Variants in CRY1 observed in about 807,000 individuals in gnomAD.
CRY1 encodes the protein cryptochrome-1.
A neutral mutation model predicts 76.0 loss-of-function variants in CRY1; 45 were observed. The observed-to-expected ratio is 0.59, with a 90% CI of 0.47 to 0.76. CRY1 has a LOEUF of 0.76. Ranked by LOEUF, CRY1 falls within the 30% of genes least tolerant of loss-of-function variation. CRY1 has a pLI of 0.00. For synonymous variants in CRY1, 248 were observed against 244.0 expected, an observed-to-expected ratio of 1.02 and a Z score of -0.15; for missense variants, 587 against 716.4, an observed-to-expected ratio of 0.82 and a Z score of 2.06.
At chr12:107,036,738 G>A (rs1952737390) in intron 1 of CRY1, among the ~76,000 whole-genome samples, 1 of 152,060 alleles carries the variant, frequency 6.6e-6, no homozygotes, top group Non-Finnish European at 1.5e-5. Flanking sequence ...CTGTGAGCAT[G>A]CCAGAAATGC....
chr12:107,064,875 C>T (rs886989391), intron 1 of CRY1, among the ~76,000 whole-genome samples: 13 of 152,170 alleles, frequency 8.5e-5, no homozygotes, highest in African/African-American at 2.7e-4. Context: ...GATTATCATG[C>T]TAATGGAGCA....
At chr12:107,078,844 T>G (rs146998676) in intron 1 of CRY1, among the ~76,000 whole-genome samples, 1 of 152,294 alleles carries the variant, frequency 6.6e-6, no homozygotes, top group East Asian at 1.9e-4. Flanking sequence ...CCTCCTCCTC[T>G]GTGAAACTGT....
chr12:107,078,078 T>A (rs1043966655), intron 1 of CRY1, among the ~76,000 whole-genome samples: 5 of 152,184 alleles, frequency 3.3e-5, no homozygotes, highest in Non-Finnish European at 5.9e-5. Flanking sequence ...AGAATCTGAT[T>A]TACTATTTCT....
chr12:107,083,783 A>G (rs1453188472), intron 1 of CRY1, among the ~76,000 whole-genome samples: 1 of 152,226 alleles, frequency 6.6e-6, no homozygotes, highest in Non-Finnish European at 1.5e-5. Context: ...AACTGGCACA[A>G]AACAAGGATG....
chr12:107,024,494 AGCC>A (rs1473389154), intron 1 of CRY1, among the ~76,000 whole-genome samples: 2 of 151,924 alleles, frequency 1.3e-5, no homozygotes, highest in Non-Finnish European at 2.9e-5. Context: ...CTCCCACCTA[AGCC>A]TCTAGAGTGA....
intron 1 of CRY1, among the ~76,000 whole-genome samples, chr12:107,035,922 AGG>A (rs1952727652): frequency 6.6e-6 from 1 of 152,238 alleles, no homozygotes; most frequent in Non-Finnish European, 1.5e-5. Context: ...AGAATAGAAC[AGG>A]GTTATGCTGC....
chr12:107,043,515 C>A (rs1224131674), intron 1 of CRY1, among the ~76,000 whole-genome samples: 1 of 152,146 alleles, frequency 6.6e-6, no homozygotes, highest in Non-Finnish European at 1.5e-5. Context: ...AGCCGAGCAG[C>A]TGCACATCTC....
chr12:107,068,385 C>T (rs1254408404), intron 1 of CRY1, among the ~76,000 whole-genome samples: 2 of 152,122 alleles, frequency 1.3e-5, no homozygotes, highest in Non-Finnish European at 1.5e-5. Flanking sequence ...GCAACCTCCG[C>T]CTCCTTGGTT....
At chr12:107,080,520 T>C (rs1307480545) in intron 1 of CRY1, among the ~76,000 whole-genome samples, 1 of 151,832 alleles carries the variant, frequency 6.6e-6, no homozygotes, top group African/African-American at 2.4e-5. Context: ...CTCAGGGGCA[T>C]TTAAAGGTTG....
intron 1 of CRY1, among the ~76,000 whole-genome samples, chr12:107,062,259 A>G (rs1160037940): frequency 2.0e-5 from 3 of 152,044 alleles, no homozygotes; most frequent in Non-Finnish European, 2.9e-5. Flanking sequence ...AGAAATGGAA[A>G]CCAAAGCCTT....
In CRY1 at chr12:107,005,225, T is replaced by TGAAA. The variant is rs1218018764; in HGVS notation, c.287_290dup (p.Ile98PhefsTer3). 6.2e-7 allele frequency: 1 copy of TGAAA among 1,612,944 alleles called. No homozygotes were observed. Among genetic ancestry groups the TGAAA allele is most frequent in the Non-Finnish European group, 8.5e-7 (1 of 1,179,640 alleles). On this transcript the variant is annotated frameshift_variant, in exon 3 of 13. Coordinates refer to ENST00000008527, the MANE Select transcript of CRY1 (RefSeq NM_004075.5). LOFTEE classifies it high-confidence loss of function. ...CAAAGGGCTCAGAATCATACTCAATTGAAAGTTTAGTAATGTTCCATTCCT... is the reference window on the plus strand; with the variant it reads ...CAAAGGGCTCAGAATCATACTCAATTGAAAGAAAGTTTAGTAATGTTCCATTCCT...
At chr12:107,035,834 C>A (rs554530377) in intron 1 of CRY1, among the ~76,000 whole-genome samples, 2 of 152,286 alleles carry the variant, frequency 1.3e-5, no homozygotes, top group East Asian at 3.9e-4. Context: ...TGCCTCAGAC[C>A]ATCTCCTCCC....
At position 107,047,549 on chromosome 12, in the gene CRY1, T is replaced by C. The variant is rs140499313; in HGVS notation, c.159-25357A>G. Among the ~76,000 whole-genome samples, 1,300 of 152,272 alleles carry C rather than the reference T, an allele frequency of 8.5e-3. 6 individuals carry two copies. The highest frequency in any genetic ancestry group is 0.014 in the Non-Finnish European group (926 of 68,016). ...AGTTCCCACCATGCTGTTCTCCTTATAGTGAATTTGTTCTCACAAGATCTG... is the reference window on the plus strand; with the variant it reads ...AGTTCCCACCATGCTGTTCTCCTTACAGTGAATTTGTTCTCACAAGATCTG... On this transcript the variant is annotated intron_variant, in intron 1 of 12. Coordinates refer to ENST00000008527, the MANE Select transcript of CRY1 (RefSeq NM_004075.5).
intron 1 of CRY1, among the ~76,000 whole-genome samples, chr12:107,090,081 C>CA (rs1555203804): frequency 3.3e-5 from 5 of 151,248 alleles, no homozygotes; most frequent in Non-Finnish European, 7.4e-5. Flanking sequence ...TTCCTTCTTT[C>CA]TTTTTTTTCT....
chr12:107,054,542 G>A (rs1170496907), intron 1 of CRY1, among the ~76,000 whole-genome samples: 1 of 150,220 alleles, frequency 6.7e-6, no homozygotes, highest in African/African-American at 2.4e-5. Flanking sequence ...TATAACAAAT[G>A]TAAACAGACT....
chr12:107,030,221 T>C (rs1266057588), intron 1 of CRY1, among the ~76,000 whole-genome samples: 3 of 152,216 alleles, frequency 2.0e-5, no homozygotes, highest in Admixed American at 1.3e-4. Flanking sequence ...GGAAAGAATA[T>C]TCTCTGAATG....
intron 1 of CRY1, among the ~76,000 whole-genome samples, chr12:107,088,291 C>T (rs959291721): frequency 7.2e-5 from 11 of 151,966 alleles, no homozygotes; most frequent in Admixed American, 6.5e-4. Flanking sequence ...GTATCCCTCC[C>T]CTCTCTCTCT....
At chr12:107,067,553 T>A (rs968298671) in intron 1 of CRY1, among the ~76,000 whole-genome samples, 2 of 151,336 alleles carry the variant, frequency 1.3e-5, no homozygotes, top group East Asian at 3.9e-4. Context: ...GACTTTTCTC[T>A]TTTCAAAGGC....
In CRY1 at chr12:107,092,719, TCA is replaced by T. The variant is rs1033699460; in HGVS notation, c.158+83_158+84del. Reference sequence around the variant, plus strand: ...AAGCAAGACAGTCCCACGTCTAAATTCACAGATTTGGCGGATCGCATGGAATT... The same window carrying T: ...AAGCAAGACAGTCCCACGTCTAAATTCAGATTTGGCGGATCGCATGGAATT... On this transcript the variant is annotated intron_variant, in intron 1 of 12. Transcript: ENST00000008527. 3 of 1,561,910 alleles carry T rather than the reference TCA, an allele frequency of 1.9e-6. No individual in the cohort carries two copies. The African/African-American group carries it at 4.1e-5, about 21-fold the overall frequency.
Sources: allele counts gnomAD v4.1 joint callset (sites outside exome capture counted in the v4.1 genomes callset), GRCh38; gene constraint gnomAD v4.1.1; transcripts MANE v1.5; gene names NCBI Gene and HGNC (gene_info 2026-07-23, HGNC 2026-07-21).